COL1A1: variants seen among roughly 807,000 people sequenced by gnomAD.
COL1A1 encodes collagen type I alpha 1 chain.
In COL1A1, 21 loss-of-function variants were observed where a neutral mutation model predicts 195.7. The ratio of observed to expected loss-of-function variants is 0.11; its 90% CI spans 0.08 to 0.15. The LOEUF (loss-of-function observed/expected upper bound fraction) is 0.15, where lower values mean the gene tolerates loss of function less well. COL1A1 is among the 10% of genes least tolerant of loss of function. The pLI, the probability that COL1A1 is intolerant of heterozygous loss-of-function variation, is 1.00. For synonymous variants in COL1A1, 749 were observed against 747.3 expected (o/e 1.00, Z -0.04); for missense variants, 1,365 against 2,051.0 (o/e 0.67, Z 6.46).
In COL1A1 at chr17:50,199,322, G is replaced by A. The variant is rs1169774521; in HGVS notation, c.375C>T (p.Pro125=). 5.8e-6 allele frequency: 9 copies of A among 1,558,840 alleles called. No individual in the cohort carries two copies. The highest frequency in any genetic ancestry group is 1.9e-5 in the Admixed American group (1 of 52,852). ...GDTGPRGPRG[P]AGPPGRDGIP... ...TGCCATCTCGGCCAGGGGGGCCTGC[G>A]GGTCCCTGCAGGGGGAGAGGGCGGG... The change falls in exon 5 of 51, where the codon CCC becomes CCT. Residue 125 remains proline, a synonymous_variant. Coordinates refer to ENST00000225964, the MANE Select transcript of COL1A1 (RefSeq NM_000088.4).
At position 50,195,599 on chromosome 17, in the gene COL1A1, G is replaced by A. The variant is rs567855944; in HGVS notation, c.1123C>T (p.Pro375Ser). The A allele has an allele frequency of 3.1e-6, 5 of 1,613,862 alleles. No individual in the cohort carries two copies. Among genetic ancestry groups the A allele is most frequent in the Non-Finnish European group, 4.2e-6 (5 of 1,179,892 alleles). The change falls in exon 17 of 51, where the codon CCC becomes TCC. Residue 375 changes from proline (P) to serine (S), a missense_variant. Pro to Ser is a moderately conservative substitution (Grantham distance 74). This residue lies in a region of COL1A1 where 226 missense variants were observed against 372.9 expected (regional missense o/e 0.61). Coordinates refer to ENST00000225964, the MANE Select transcript of COL1A1 (RefSeq NM_000088.4). The surrounding 1 kb of genome is among the most constrained non-coding windows in gnomAD (Gnocchi z 4.3). ...CCAGCAGCACCAGCAGGGCCAGGGGGGCCAGGCTCACCACGCACACCCTGG... is the reference window on the plus strand; with the variant it reads ...CCAGCAGCACCAGCAGGGCCAGGGGAGCCAGGCTCACCACGCACACCCTGG... ...GPQGVRGEPG[P>S]PGPAGAAGPA... is the part of the protein sequence containing the mutation.
rs765001351 is a variant in COL1A1 at position 50,189,333 on chromosome 17, C to G, written c.2829+44G>C. 6.2e-7 allele frequency: 1 copy of G among 1,613,788 alleles called. No individual in the cohort carries two copies. The highest frequency in any genetic ancestry group is 8.5e-7 in the Non-Finnish European group (1 of 1,179,944). ...GAGCAGCACAGGGACCCCTCCCCAGCTCTGCACACCTCCGGAGCTGCAGAG... is the reference window on the plus strand; with the variant it reads ...GAGCAGCACAGGGACCCCTCCCCAGGTCTGCACACCTCCGGAGCTGCAGAG... On this transcript the variant is annotated intron_variant, in intron 39 of 50. Coordinates refer to ENST00000225964, the MANE Select transcript of COL1A1 (RefSeq NM_000088.4). This position sits in a 1 kb window ranked among gnomAD's most constrained non-coding sequence, Gnocchi z 5.5.
Position 50,185,482 on chromosome 17 carries a change from C to G in COL1A1, c.*20G>C, listed in dbSNP as rs199806909. On this transcript the variant is annotated 3_prime_UTR_variant, in exon 51 of 51. Transcript: ENST00000225964. Reference sequence around the variant, plus strand: ...GAAAGTTGGTTGGGTGGGAGGGAGCCAGGTTGGGATGGAGGGAGTTTACAG... The same window carrying G: ...GAAAGTTGGTTGGGTGGGAGGGAGCGAGGTTGGGATGGAGGGAGTTTACAG... The G allele has an allele frequency of 2.2e-5, 36 of 1,613,204 alleles. No individual in the cohort carries two copies. The African/African-American group carries it at 3.6e-4, about 16-fold the overall frequency.
chr17:50,194,131 G>C lies in COL1A1; in HGVS notation c.1667C>G (p.Pro556Arg), dbSNP rs778151591. 2 of 1,613,642 alleles carry C rather than the reference G, an allele frequency of 1.2e-6. No individual in the cohort carries two copies. The highest frequency in any genetic ancestry group is 2.2e-5 in the South Asian group (2 of 91,048). The change falls in exon 24 of 51, where the codon CCT becomes CGT. Residue 556 changes from proline to arginine, a missense_variant and splice_region_variant. Pro to Arg is a moderately radical substitution (Grantham distance 103). Around this residue, in one of 5 missense-constraint regions of COL1A1, gnomAD observed 671 missense variants for 1,099.9 expected, o/e 0.61. Transcript: ENST00000225964. This position sits in a 1 kb window ranked among gnomAD's most constrained non-coding sequence, Gnocchi z 6.8. ...GGGTTCAGGGGGAGTGATACTTACA[G>C]GGGGGCCAGTTTTGCCATCAGGACC... Reference protein sequence around the residue: ...SPGPDGKTGPPGPAGQDGRPG... With the variant: ...SPGPDGKTGPRGPAGQDGRPG...
rs1180957852 is a variant in COL1A1, at chr17:50,184,405, G to C, written c.*1097C>G. On this transcript the variant is annotated 3_prime_UTR_variant, in exon 51 of 51. Coordinates refer to ENST00000225964, the MANE Select transcript of COL1A1 (RefSeq NM_000088.4). ...AGGGTGGAAAGTGAGCAGCGGGCTGGGCTGGAGCCGCACACGCTCTCCTCC... is the reference window on the plus strand; with the variant it reads ...AGGGTGGAAAGTGAGCAGCGGGCTGCGCTGGAGCCGCACACGCTCTCCTCC... 1 of 230,872 alleles carries C rather than the reference G, an allele frequency of 4.3e-6. No individual in the cohort carries two copies. Among genetic ancestry groups the C allele is most frequent in the Admixed American group, 5.7e-5 (1 of 17,638 alleles). 14.3% of individuals were successfully genotyped at this position (230,872 alleles called of 1,614,324 possible).
rs557402049 is a variant in COL1A1, at chr17:50,190,292, C to T, written c.2451+35G>A. 2.7e-5 allele frequency: 40 copies of T among 1,498,674 alleles called. No individual in the cohort carries two copies. Among genetic ancestry groups the T allele is most frequent in the Admixed American group, 3.4e-5 (2 of 58,930 alleles). 92.8% of individuals were successfully genotyped at this position (1,498,674 alleles called of 1,614,324 possible). On this transcript the variant is annotated intron_variant, in intron 35 of 50. Coordinates refer to ENST00000225964, the MANE Select transcript of COL1A1 (RefSeq NM_000088.4). This position sits in a 1 kb window ranked among gnomAD's most constrained non-coding sequence, Gnocchi z 4.7. ...GTCCCTCGAGGTCCCAGGTCCCAGTCGGTGATGAAAAATGATGGGGGTCTT... is the reference window on the plus strand; with the variant it reads ...GTCCCTCGAGGTCCCAGGTCCCAGTTGGTGATGAAAAATGATGGGGGTCTT...
rs532741992 is a variant in COL1A1, at chr17:50,196,593, C to T, written c.858+24G>A. Reference sequence around the variant, plus strand: ...GTGGGACTCTGGGGATGTGGAGGACCATGATGTTCAGACAGCCTCTTACCT... The same window carrying T: ...GTGGGACTCTGGGGATGTGGAGGACTATGATGTTCAGACAGCCTCTTACCT... On this transcript the variant is annotated intron_variant, in intron 12 of 50. Coordinates refer to ENST00000225964, the MANE Select transcript of COL1A1 (RefSeq NM_000088.4). 70 of 1,614,098 alleles carry T rather than the reference C, an allele frequency of 4.3e-5. No homozygotes were observed. The East Asian group carries it at 1.5e-3, about 34-fold the overall frequency.
At chr17:50,200,219 A>T in intron 1 of COL1A1, 41 of 450,776 alleles carry the variant, frequency 9.1e-5, no homozygotes, top group Middle Eastern at 6.7e-4. Flanking sequence ...ACCTCAGCCC[A>T]TTGGCGCTGA....
At chr17:50,198,364 C>T in intron 6 of COL1A1, 69 bp downstream of exon 6, 2 of 1,571,834 alleles carry the variant, frequency 1.3e-6, no homozygotes, top group Non-Finnish European at 1.7e-6. Flanking sequence ...TCTATACCAG[C>T]CGCCTATGCC....
At chr17:50,191,661 TG>T in intron 31 of COL1A1, 126 bp downstream of exon 31, 1 of 1,185,874 alleles carries the variant, frequency 8.4e-7, no homozygotes, top group Non-Finnish European at 1.2e-6. Flanking sequence ...GCCCCTGCCC[TG>T]GTCTTTTCCC....
rs749169664 is a variant in COL1A1, at chr17:50,199,607, C to T, written c.299-17G>A. 3.7e-6 allele frequency: 6 copies of T among 1,614,098 alleles called. No individual in the cohort carries two copies. Among genetic ancestry groups the T allele is most frequent in the Non-Finnish European group, 5.1e-6 (6 of 1,179,968 alleles). On this transcript the variant is annotated splice_polypyrimidine_tract_variant and intron_variant, in intron 2 of 50. Coordinates refer to ENST00000225964, the MANE Select transcript of COL1A1 (RefSeq NM_000088.4). ...TGGGTGACTCTAGGGGACGAAGAGA[C>T]GCGCGTTAGAGCCAAGGTTTGCTAA...
intron 7 of COL1A1, 27 bp from the exon 8 acceptor site, chr17:50,198,029 A>G: frequency 6.2e-7 from 1 of 1,613,484 alleles, no homozygotes; most frequent in African/African-American, 1.3e-5. Context: ...AAGATGGGTT[A>G]GAAGACAAGT....
chr17:50,200,385 C>T lies in COL1A1; in HGVS notation c.104-438G>A, dbSNP rs376722154. 6.4e-3 allele frequency among the ~76,000 whole-genome samples: 967 copies of T among 152,192 alleles called. 8 individuals carry two copies. Among genetic ancestry groups the T allele is most frequent in the African/African-American group, 0.022 (926 of 41,526 alleles). ...GAAGGGAGGTCCAGCCCTCATCCCGCCCCCATTCCCTGGGCAGGTGGGGTG... is the reference window on the plus strand; with the variant it reads ...GAAGGGAGGTCCAGCCCTCATCCCGTCCCCATTCCCTGGGCAGGTGGGGTG... On this transcript the variant is annotated intron_variant, in intron 1 of 50. Coordinates refer to ENST00000225964, the MANE Select transcript of COL1A1 (RefSeq NM_000088.4).
chr17:50,185,257 C>CTTTT lies in COL1A1; in HGVS notation c.*241_*244dup, dbSNP rs56302025. ...TTTTTTAAAAAGTTATTTATTTATT[C>CTTTT]TTTTTTTTTTTTTTTTTTTGGTAAG... On this transcript the variant is annotated 3_prime_UTR_variant, in exon 51 of 51. Transcript: ENST00000225964. 1.8e-3 allele frequency: 352 copies of CTTTT among 192,278 alleles called. 56 individuals are homozygous for CTTTT. Among genetic ancestry groups the CTTTT allele is most frequent in the East Asian group, 5.2e-3 (62 of 11,812 alleles). The allele number at this position is 192,278 out of a possible 1,614,324, so 11.9% of individuals were successfully genotyped here.
At position 50,190,497 on chromosome 17, in the gene COL1A1, G is replaced by C; in HGVS notation, c.2397+46C>G. Reference sequence around the variant, plus strand: ...CAGGGCCAGGGGTGCTGTGTGAAGGGAGGGAAGGGCCAAGTATGGGGTCTT... The same window carrying C: ...CAGGGCCAGGGGTGCTGTGTGAAGGCAGGGAAGGGCCAAGTATGGGGTCTT... On this transcript the variant is annotated intron_variant, in intron 34 of 50. Coordinates refer to ENST00000225964, the MANE Select transcript of COL1A1 (RefSeq NM_000088.4). This position sits in a 1 kb window ranked among gnomAD's most constrained non-coding sequence, Gnocchi z 4.7. 6.2e-7 allele frequency: 1 copy of C among 1,610,926 alleles called. No homozygotes were observed. The highest frequency in any genetic ancestry group is 8.5e-7 in the Non-Finnish European group (1 of 1,177,246).
rs764478745 is a variant in COL1A1 at position 50,190,903 on chromosome 17, C to T, written c.2257G>A (p.Ala753Thr). 6.2e-7 allele frequency: 1 copy of T among 1,614,160 alleles called. No homozygotes were observed. Among genetic ancestry groups the T allele is most frequent in the Admixed American group, 1.7e-5 (1 of 60,022 alleles). Residue 753 changes from alanine to threonine, a missense_variant, in exon 33 of 51, where the codon GCT becomes ACT. This residue lies in a region of COL1A1 where 671 missense variants were observed against 1,099.9 expected (regional missense o/e 0.61). Coordinates refer to ENST00000225964, the MANE Select transcript of COL1A1 (RefSeq NM_000088.4). This position sits in a 1 kb window ranked among gnomAD's most constrained non-coding sequence, Gnocchi z 4.7. ...GDRGDAGPKG[A>T]DGSPGKDGVR... Reference sequence around the variant, plus strand: ...CCATCTTTGCCAGGAGAGCCATCAGCACCTTTGGGACCAGCATCACCCTAA... The same window carrying T: ...CCATCTTTGCCAGGAGAGCCATCAGTACCTTTGGGACCAGCATCACCCTAA...
rs1907659704 is a variant in COL1A1 at position 50,197,060 on chromosome 17, C to T, written c.754G>A (p.Ala252Thr). ...GERGPPGPQG[A>T]RGLPGTAGLP... Reference sequence around the variant, plus strand: ...CCAGCTGTTCCGGGCAATCCTCGAGCACCCTGGAGAGAGATGAAGAAGACA... The same window carrying T: ...CCAGCTGTTCCGGGCAATCCTCGAGTACCCTGGAGAGAGATGAAGAAGACA... The change falls in exon 11 of 51, where the codon GCT becomes ACT. Residue 252 changes from alanine to threonine, a missense_variant. By Grantham distance (58) the Ala-to-Thr change is moderately conservative. Coordinates refer to ENST00000225964, the MANE Select transcript of COL1A1 (RefSeq NM_000088.4). The T allele has an allele frequency of 6.2e-6, 10 of 1,614,148 alleles. No individual in the cohort carries two copies. Among genetic ancestry groups the T allele is most frequent in the Non-Finnish European group, 7.6e-6 (9 of 1,180,042 alleles).
rs1328991299 is a variant in COL1A1 at position 50,190,749 on chromosome 17, G to A, written c.2343+68C>T. 27 of 1,525,158 alleles carry A rather than the reference G, an allele frequency of 1.8e-5. No individual in the cohort carries two copies. The highest frequency in any genetic ancestry group is 1.7e-4 in the Middle Eastern group (1 of 5,922). The allele number at this position is 1,525,158 out of a possible 1,614,324, so 94.5% of individuals were successfully genotyped here. A position where few individuals can be genotyped will look rare whatever the true frequency, so the allele number is the denominator to read the frequency against. Reference sequence around the variant, plus strand: ...ACCTGCTCTCCCAACGCAACCCCACGGAACCGTGCCCAGGCCTGCTGAGGA... The same window carrying A: ...ACCTGCTCTCCCAACGCAACCCCACAGAACCGTGCCCAGGCCTGCTGAGGA... On this transcript the variant is annotated intron_variant, in intron 33 of 50. Transcript: ENST00000225964. This position sits in a 1 kb window ranked among gnomAD's most constrained non-coding sequence, Gnocchi z 4.7.
chr17:50,200,343 G>A (rs1907976070), intron 1 of COL1A1, among the ~76,000 whole-genome samples: 1 of 152,158 alleles, frequency 6.6e-6, no homozygotes, highest in Admixed American at 6.5e-5. Flanking sequence ...GAGACAGGAG[G>A]AGGGCGAGGG....
Sources: gnomAD v4.1 joint callset for allele counts (sites outside exome capture counted in the v4.1 genomes callset) on GRCh38, gnomAD v4.1.1 for gene constraint, gnomAD v4.1.1 regional missense constraint, Gnocchi (gnomAD v3.1) non-coding constraint, MANE v1.5 for transcripts, NCBI Gene and HGNC (gene_info 2026-07-23, HGNC 2026-07-21) for gene names.